TMTC2: variants seen among roughly 807,000 people sequenced by gnomAD.
The protein encoded by TMTC2 is transmembrane O-mannosyltransferase targeting cadherins 2.
Under a neutral mutation model 82.4 loss-of-function variants are expected in TMTC2, and 43 were observed. The ratio of observed to expected loss-of-function variants is 0.52; its 90% CI spans 0.41 to 0.67. The LOEUF (loss-of-function observed/expected upper bound fraction) is 0.67, where lower values mean the gene tolerates loss of function less well. TMTC2 is among the 30% of genes least tolerant of loss of function. The pLI is 0.00. For missense variants in TMTC2, 919 were observed against 1,012.4 expected (o/e 0.91, Z 1.25); for synonymous variants, 408 against 381.9 (o/e 1.07, Z -0.80).
At chr12:83,010,602 T>C (rs1179804766) in intron 8 of TMTC2, among the ~76,000 whole-genome samples, 1 of 152,198 alleles carries the variant, frequency 6.6e-6, no homozygotes, top group Admixed American at 6.5e-5. Context: ...TAAAGCCTTC[T>C]TCCCTGGTGA....
intron 4 of TMTC2, among the ~76,000 whole-genome samples, chr12:82,945,458 G>A (rs1324234341): frequency 6.6e-6 from 1 of 152,128 alleles, no homozygotes; most frequent in Non-Finnish European, 1.5e-5. Context: ...GGTTTATAAA[G>A]AAGTTCATAA....
intron 1 of TMTC2, among the ~76,000 whole-genome samples, chr12:82,714,141 A>C (rs1296920404): frequency 6.6e-6 from 1 of 152,232 alleles, no homozygotes; most frequent in Non-Finnish European, 1.5e-5. Flanking sequence ...AGAAAAGGCA[A>C]ATCTGTAGAG....
At chr12:83,119,745 A>C (rs560234866) in intron 11 of TMTC2, among the ~76,000 whole-genome samples, 1 of 152,272 alleles carries the variant, frequency 6.6e-6, no homozygotes, top group Admixed American at 6.5e-5. Flanking sequence ...TAGAGTATAG[A>C]AGTCCCCCAC....
At chr12:82,706,295 C>A (rs1193157229) in intron 1 of TMTC2, among the ~76,000 whole-genome samples, 3 of 101,834 alleles carry the variant, frequency 2.9e-5, no homozygotes, top group African/African-American at 7.9e-5. Flanking sequence ...CCAGCCTGGA[C>A]AACAGACAAC....
chr12:83,033,240 T>C (rs1488599152), intron 9 of TMTC2, among the ~76,000 whole-genome samples: 1 of 152,178 alleles, frequency 6.6e-6, no homozygotes, highest in East Asian at 1.9e-4. Flanking sequence ...TTATAAAACA[T>C]GAAAATTTAA....
chr12:83,027,152 G>A (rs1881218853), intron 8 of TMTC2, among the ~76,000 whole-genome samples: 1 of 151,990 alleles, frequency 6.6e-6, no homozygotes. Flanking sequence ...AACAAAATGA[G>A]GAATAATGCT....
rs1214954951 is a variant in TMTC2, at chr12:82,983,687, T to G, written c.1949-2238T>G. On this transcript the variant is annotated intron_variant, in intron 7 of 11. Transcript: ENST00000321196. Reference sequence around the variant, plus strand: ...TATTAAATACAATGGTTGTACAACTTTTTTAAACTGGCCTATAAGCACTTG... The same window carrying G: ...TATTAAATACAATGGTTGTACAACTGTTTTAAACTGGCCTATAAGCACTTG... 2.0e-5 allele frequency among the ~76,000 whole-genome samples: 3 copies of G among 152,072 alleles called. No individual in the cohort carries two copies. In the East Asian group the frequency reaches 5.8e-4, roughly 29 times the overall value.
At chr12:82,977,032 A>T (rs1878705018) in intron 7 of TMTC2, among the ~76,000 whole-genome samples, 1 of 152,004 alleles carries the variant, frequency 6.6e-6, no homozygotes. Flanking sequence ...GTCTGCTTCC[A>T]TGCATCTCAT....
intron 11 of TMTC2, among the ~76,000 whole-genome samples, chr12:83,090,786 T>C (rs10862580): frequency 0.55 from 84,118 of 151,990 alleles, 24,400 homozygotes; most frequent in South Asian, 0.68. Context: ...ATCACTCTCC[T>C]GAATTAAGTT....
intron 3 of TMTC2, 119 bp from the exon 4 acceptor site, chr12:82,930,312 C>T (rs1875959542): frequency 5.4e-6 from 3 of 555,812 alleles, no homozygotes; most frequent in Non-Finnish European, 6.5e-6. Flanking sequence ...ATACATTTTC[C>T]TTCTTAAAAA....
intron 1 of TMTC2, among the ~76,000 whole-genome samples, chr12:82,752,807 G>A (rs1254984673): frequency 6.6e-6 from 1 of 151,936 alleles, no homozygotes; most frequent in Non-Finnish European, 1.5e-5. Flanking sequence ...AAGATTTTTA[G>A]GGAGCTAGGT....
intron 4 of TMTC2, among the ~76,000 whole-genome samples, chr12:82,958,368 A>AAC (rs1565827883): frequency 1.2e-4 from 4 of 33,974 alleles, no homozygotes; most frequent in African/African-American, 4.6e-4. Flanking sequence ...AAAAAAAAAA[A>AAC]AACAAAAAAA....
At chr12:82,841,329 T>C (rs1457118088) in intron 1 of TMTC2, among the ~76,000 whole-genome samples, 1 of 152,202 alleles carries the variant, frequency 6.6e-6, no homozygotes, top group Non-Finnish European at 1.5e-5. Context: ...CTACAGTATA[T>C]ATTAGGATGT....
chr12:82,990,102 G>A (rs767636285), intron 8 of TMTC2, among the ~76,000 whole-genome samples: 1 of 152,108 alleles, frequency 6.6e-6, no homozygotes, highest in Non-Finnish European at 1.5e-5. Flanking sequence ...ACTTCTGAAT[G>A]CTTTAAATAT....
chr12:82,839,752 C>G (rs1287635208), intron 1 of TMTC2, among the ~76,000 whole-genome samples: 2 of 152,150 alleles, frequency 1.3e-5, no homozygotes, highest in East Asian at 3.9e-4. Flanking sequence ...AACTGTCATC[C>G]TTCTGATGAG....
chr12:82,816,309 A>T (rs560622714), intron 1 of TMTC2, among the ~76,000 whole-genome samples: 4 of 152,226 alleles, frequency 2.6e-5, no homozygotes, highest in African/African-American at 9.6e-5. Context: ...TCATTCAGCA[A>T]AATTAAGCTT....
chr12:82,879,803 T>A (rs761331050), intron 2 of TMTC2, among the ~76,000 whole-genome samples: 1 of 152,210 alleles, frequency 6.6e-6, no homozygotes, highest in Non-Finnish European at 1.5e-5. Context: ...AGACACTCTG[T>A]AAAATGTTTA....
At chr12:82,696,767 G>A (rs996471354) in intron 1 of TMTC2, among the ~76,000 whole-genome samples, 1 of 152,054 alleles carries the variant, frequency 6.6e-6, no homozygotes, top group Non-Finnish European at 1.5e-5. Flanking sequence ...TGTTGAGGAT[G>A]CCTGTGGCTG....
Position 82,896,333 on chromosome 12 carries a change from GGAGAACAT to G in TMTC2, c.1171_1178del (p.Glu391CysfsTer35). ...CACAGAGAACCCAGCTTCCTTCTACGGAGAACATTGTTGTTCTGTCTTTATCTTTGTTA... is the reference window on the plus strand; with the variant it reads ...CACAGAGAACCCAGCTTCCTTCTACGTGTTGTTCTGTCTTTATCTTTGTTA... On this transcript the variant is annotated frameshift_variant, in exon 3 of 12. Coordinates refer to ENST00000321196, the MANE Select transcript of TMTC2 (RefSeq NM_152588.3). LOFTEE classifies it high-confidence loss of function. The G allele has an allele frequency of 6.2e-7, 1 of 1,614,040 alleles. No homozygotes were observed. Among genetic ancestry groups the G allele is most frequent in the Non-Finnish European group, 8.5e-7 (1 of 1,179,964 alleles).
Sources: allele counts gnomAD v4.1 joint callset (sites outside exome capture counted in the v4.1 genomes callset), GRCh38; gene constraint gnomAD v4.1.1; transcripts MANE v1.5; gene names NCBI Gene and HGNC (gene_info 2026-07-23, HGNC 2026-07-21).